NCMAP: variants seen among roughly 807,000 people sequenced by gnomAD.
The protein encoded by NCMAP is noncompact myelin-associated protein.
Under a neutral mutation model 7.8 loss-of-function variants are expected in NCMAP, and 8 were observed. That is an observed-to-expected ratio of 1.02 (90% CI 0.60 to 1.84). The LOEUF is 1.84. Ranked by LOEUF, NCMAP falls within the 40% of genes most tolerant of loss-of-function variation. NCMAP has a pLI of 0.00. For synonymous variants in NCMAP, 41 were observed against 52.9 expected, an observed-to-expected ratio of 0.78 and a Z score of 0.98; for missense variants, 112 against 131.4, an observed-to-expected ratio of 0.85 and a Z score of 0.72.
chr1:24,559,586 G>A (rs1650991246), intron 1 of NCMAP, among the ~76,000 whole-genome samples: 1 of 152,206 alleles, frequency 6.6e-6, no homozygotes, highest in African/African-American at 2.4e-5. Flanking sequence ...AACAGAGGGT[G>A]TGCCAACCTC....
intron 2 of NCMAP, among the ~76,000 whole-genome samples, chr1:24,598,758 C>T (rs944466913): frequency 2.0e-5 from 3 of 151,682 alleles, no homozygotes; most frequent in Non-Finnish European, 4.4e-5. Flanking sequence ...GTGCCTCAGC[C>T]TCCTGAATAG....
rs914518281 is a variant in NCMAP, at chr1:24,557,454, C to T, written c.-8+1285C>T. Reference sequence around the variant, plus strand: ...GCATGTGGGTGTGTGCACGTGTGTGCGTGTGTGTGCGTGTGTGTGTTGGTG... The same window carrying T: ...GCATGTGGGTGTGTGCACGTGTGTGTGTGTGTGTGCGTGTGTGTGTTGGTG... On this transcript the variant is annotated intron_variant, in intron 1 of 3. Transcript: ENST00000374392. Among the ~76,000 whole-genome samples the T allele has an allele frequency of 2.7e-5, 4 of 149,878 alleles. No individual in the cohort carries two copies. The South Asian group carries it at 6.3e-4, about 24-fold the overall frequency.
chr1:24,588,783 G>C (rs903978942), intron 1 of NCMAP, among the ~76,000 whole-genome samples: 1 of 152,208 alleles, frequency 6.6e-6, no homozygotes, highest in Non-Finnish European at 1.5e-5. Flanking sequence ...GAGGCTCAGA[G>C]TGTGGCCAAG....
At chr1:24,597,522 G>C (rs1482311769) in intron 2 of NCMAP, among the ~76,000 whole-genome samples, 5 of 33,394 alleles carry the variant, frequency 1.5e-4, no homozygotes, top group East Asian at 4.0e-3. Context: ...AGAAGGAAGG[G>C]GGGGGGGGAG....
At chr1:24,557,151 G>A (rs4072359) in intron 1 of NCMAP, among the ~76,000 whole-genome samples, 12,551 of 152,194 alleles carry the variant, frequency 0.082, 594 homozygotes, top group Middle Eastern at 0.13. Flanking sequence ...GTTCACCCTT[G>A]TATCCCCAGC....
intron 1 of NCMAP, among the ~76,000 whole-genome samples, chr1:24,561,910 CAAA>C (rs5773094): frequency 7.8e-4 from 107 of 137,042 alleles, no homozygotes; most frequent in Admixed American, 9.3e-4. Flanking sequence ...GACTTCGTCT[CAAA>C]AAAAAAAAAA....
chr1:24,597,667 G>GA (rs1322929642), intron 2 of NCMAP, among the ~76,000 whole-genome samples: 2,350 of 132,084 alleles, frequency 0.018, 36 homozygotes, highest in Middle Eastern at 0.038. Context: ...AAGAAAGAAA[G>GA]AAAGAAAAGA....
intron 1 of NCMAP, among the ~76,000 whole-genome samples, chr1:24,587,649 G>C (rs900027008): frequency 6.6e-6 from 1 of 151,926 alleles, no homozygotes; most frequent in Non-Finnish European, 1.5e-5. Flanking sequence ...AAGTAGCTAA[G>C]ACTACAGGTG....
chr1:24,573,425 T>C (rs1302340707), intron 1 of NCMAP, among the ~76,000 whole-genome samples: 3 of 150,448 alleles, frequency 2.0e-5, no homozygotes, highest in Non-Finnish European at 4.4e-5. Context: ...CTGTCTCTAC[T>C]AAAAATACAG....
At chr1:24,558,498 A>C (rs1318214553) in intron 1 of NCMAP, among the ~76,000 whole-genome samples, 1 of 151,638 alleles carries the variant, frequency 6.6e-6, no homozygotes, top group Non-Finnish European at 1.5e-5. Flanking sequence ...TTGTACCTCC[A>C]CCCTTTCTCC....
intron 1 of NCMAP, among the ~76,000 whole-genome samples, chr1:24,592,274 C>T (rs1652070496): frequency 6.6e-6 from 1 of 152,040 alleles, no homozygotes; most frequent in Admixed American, 6.6e-5. Context: ...TTTTTGAGCC[C>T]CAGAATCATA....
chr1:24,562,274 A>G (rs1321290502), intron 1 of NCMAP, among the ~76,000 whole-genome samples: 1 of 152,236 alleles, frequency 6.6e-6, no homozygotes, highest in African/African-American at 2.4e-5. Flanking sequence ...TTAATGTGCC[A>G]GGCATTCTAC....
rs146910351 is a variant in NCMAP, at chr1:24,582,177, C to T, written c.-7-13247C>T. On this transcript the variant is annotated intron_variant, in intron 1 of 3. Coordinates refer to ENST00000374392, the MANE Select transcript of NCMAP (RefSeq NM_001010980.5). Reference sequence around the variant, plus strand: ...CGTGCCGACCACCCCCTGCACACATCGGATCCACCTCAGTGCCTCCCGTGG... The same window carrying T: ...CGTGCCGACCACCCCCTGCACACATTGGATCCACCTCAGTGCCTCCCGTGG... Among the ~76,000 whole-genome samples, 306 of 152,276 alleles carry T rather than the reference C, an allele frequency of 2.0e-3. 3 individuals are homozygous for T. The highest frequency in any genetic ancestry group is 3.6e-3 in the Non-Finnish European group (248 of 68,014).
chr1:24,594,035 G>A (rs113385009), intron 1 of NCMAP, among the ~76,000 whole-genome samples: 27,885 of 140,730 alleles, frequency 0.2, 2,655 homozygotes, highest in East Asian at 0.26. Flanking sequence ...GGGATTACAG[G>A]CACCCACCAC....
chr1:24,579,890 C>T (rs1291779122), intron 1 of NCMAP, among the ~76,000 whole-genome samples: 2 of 152,226 alleles, frequency 1.3e-5, no homozygotes, highest in Non-Finnish European at 2.9e-5. Flanking sequence ...TTCCCTTTGG[C>T]TGGTCTGTTT....
chr1:24,566,108 G>A (rs951502100), intron 1 of NCMAP, among the ~76,000 whole-genome samples: 2 of 152,120 alleles, frequency 1.3e-5, no homozygotes, highest in African/African-American at 2.4e-5. Flanking sequence ...GCTGGACTTC[G>A]AGTCAGTTAA....
At position 24,605,829 on chromosome 1, in the gene NCMAP, C is replaced by T; in HGVS notation, c.*82C>T. ...CCAGAGGCACACTCTCTGGCAGCTT[C>T]ACAATGAGCTTCTTCTGGTCAGGTC... is the stretch of plus-strand genomic sequence containing the variant. On this transcript the variant is annotated 3_prime_UTR_variant, in exon 4 of 4. Coordinates refer to ENST00000374392, the MANE Select transcript of NCMAP (RefSeq NM_001010980.5). 1 of 1,519,010 alleles carries T rather than the reference C, an allele frequency of 6.6e-7. No homozygotes were observed. Among genetic ancestry groups the T allele is most frequent in the Non-Finnish European group, 9.0e-7 (1 of 1,107,828 alleles). The allele number at this position is 1,519,010 out of a possible 1,614,324, so 94.1% of individuals were successfully genotyped here.
intron 3 of NCMAP, among the ~76,000 whole-genome samples, chr1:24,604,329 C>G (rs9659795): frequency 6.6e-6 from 1 of 151,692 alleles, no homozygotes; most frequent in Non-Finnish European, 1.5e-5. Context: ...AATCCCGGCA[C>G]CCCAGGAGGC....
chr1:24,577,969 A>C (rs977977398), intron 1 of NCMAP, among the ~76,000 whole-genome samples: 1 of 152,056 alleles, frequency 6.6e-6, no homozygotes, highest in Non-Finnish European at 1.5e-5. Flanking sequence ...GGTCTAAAAA[A>C]TGTACCAAAT....
Sources: gnomAD v4.1 joint callset for allele counts (sites outside exome capture counted in the v4.1 genomes callset) on GRCh38, gnomAD v4.1.1 for gene constraint, MANE v1.5 for transcripts, NCBI Gene and HGNC (gene_info 2026-07-23, HGNC 2026-07-21) for gene names.